TOP2B: variants seen among roughly 807,000 people sequenced by gnomAD.
TOP2B encodes DNA topoisomerase II beta, also known as DNA topoisomerase 2-beta.
A neutral mutation model predicts 193.5 loss-of-function variants in TOP2B; 51 were observed. The observed-to-expected ratio is 0.26, with a 90% CI of 0.21 to 0.33. The LOEUF is 0.33. Ranked by LOEUF, TOP2B falls within the 10% of genes least tolerant of loss-of-function variation. The pLI is 1.00. For synonymous variants in TOP2B, 634 were observed against 635.7 expected, an observed-to-expected ratio of 1.00 and a Z score of 0.04; for missense variants, 1,378 against 1,909.3, an observed-to-expected ratio of 0.72 and a Z score of 5.19.
At chr3:25,643,413 C>T (rs1205777703) in intron 3 of TOP2B, among the ~76,000 whole-genome samples, 1 of 152,164 alleles carries the variant, frequency 6.6e-6, no homozygotes, top group Non-Finnish European at 1.5e-5. Context: ...GTGATGCTAG[C>T]ATATCCCAGA....
At chr3:25,636,717 C>G (rs1389274780) in intron 6 of TOP2B, among the ~76,000 whole-genome samples, 1 of 152,034 alleles carries the variant, frequency 6.6e-6, no homozygotes, top group Admixed American at 6.5e-5. Flanking sequence ...CAAAAATAAA[C>G]ATGCATGATG....
rs759512145 is a variant in TOP2B at position 25,627,199 on chromosome 3, A to G, written c.2004T>C (p.Ala668=). 1 of 1,598,132 alleles carries G rather than the reference A, an allele frequency of 6.3e-7. No homozygotes were observed. The highest frequency in any genetic ancestry group is 8.5e-7 in the Non-Finnish European group (1 of 1,173,890). ...TTAACTTAATTACCAAGGTAATGGCAGCATCATCTTCAGGACCAGCATATC... is the reference window on the plus strand; with the variant it reads ...TTAACTTAATTACCAAGGTAATGGCGGCATCATCTTCAGGACCAGCATATC... ...LFRYAGPEDD[A]AITLAFSKKK... Residue 668 remains alanine (A), a synonymous_variant, in exon 16 of 36, where the codon GCT becomes GCC. Transcript: ENST00000264331.
chr3:25,623,986 T>C (rs1003373857), intron 20 of TOP2B, among the ~76,000 whole-genome samples: 13 of 152,218 alleles, frequency 8.5e-5, no homozygotes, highest in African/African-American at 3.1e-4. Flanking sequence ...CTTACCTACC[T>C]GATTTAATAT....
At position 25,598,119 on chromosome 3, in the gene TOP2B, T is replaced by TCAATGAGTAAA; in HGVS notation, c.*177_*187dup. 3.7e-6 allele frequency: 2 copies of TCAATGAGTAAA among 538,550 alleles called. No individual in the cohort carries two copies. The highest frequency in any genetic ancestry group is 6.3e-6 in the Non-Finnish European group (2 of 317,708). The allele number at this position is 538,550 out of a possible 1,614,324, so 33.4% of individuals were successfully genotyped here. ...AGCCAATCAGACAGTACGTGACATTTCAATGAGTAAAAAAGAGCATAAAAC... is the reference window on the plus strand; with the variant it reads ...AGCCAATCAGACAGTACGTGACATTTCAATGAGTAAACAATGAGTAAAAAAGAGCATAAAAC... On this transcript the variant is annotated 3_prime_UTR_variant, in exon 36 of 36. Transcript: ENST00000264331.
At chr3:25,621,831 A>T (rs1216282442) in intron 21 of TOP2B, among the ~76,000 whole-genome samples, 1 of 152,078 alleles carries the variant, frequency 6.6e-6, no homozygotes, top group African/African-American at 2.4e-5. Context: ...TCTACTAAAA[A>T]TACAAAAATT....
chr3:25,640,227 T>C (rs899632283), intron 4 of TOP2B, among the ~76,000 whole-genome samples: 9 of 152,198 alleles, frequency 5.9e-5, no homozygotes, highest in Non-Finnish European at 1.2e-4. Context: ...CAAAATGTTA[T>C]AGTTAAAACT....
chr3:25,645,058 C>A lies in TOP2B; in HGVS notation c.240+242G>T, dbSNP rs1703377218. On this transcript the variant is annotated intron_variant, in intron 2 of 35. Coordinates refer to ENST00000264331, the MANE Select transcript of TOP2B (RefSeq NM_001330700.2). ...ATCTCCTGACCTTGTGATCCACCCG[C>A]CTCGGCCTCCCAAAGTGCTGGGATT... Among the ~76,000 whole-genome samples the A allele has an allele frequency of 2.0e-5, 3 of 151,952 alleles. No homozygotes were observed. The South Asian group carries it at 6.2e-4, about 31-fold the overall frequency.
chr3:25,609,376 T>TC, intron 29 of TOP2B, 32 bp from the exon 30 acceptor site: 1 of 1,527,222 alleles, frequency 6.5e-7, no homozygotes, highest in Non-Finnish European at 8.8e-7. Context: ...AAGGTATGTA[T>TC]CCATATTTAT....
At chr3:25,653,712 G>A (rs760340247) in intron 1 of TOP2B, among the ~76,000 whole-genome samples, 1 of 152,108 alleles carries the variant, frequency 6.6e-6, no homozygotes, top group Non-Finnish European at 1.5e-5. Flanking sequence ...TTACAGGCAG[G>A]AGCCACCATG....
intron 29 of TOP2B, 25 bp from the exon 30 acceptor site, chr3:25,609,369 G>C (rs377443516): frequency 6.5e-7 from 1 of 1,550,136 alleles, no homozygotes; most frequent in African/African-American, 1.4e-5. Context: ...TAGCAATAAG[G>C]TATGTATCCA....
rs1453055162 is a variant in TOP2B, at chr3:25,632,601, A to G, written c.1129-18T>C. The G allele has an allele frequency of 6.3e-7, 1 of 1,599,520 alleles. No individual in the cohort carries two copies. Among genetic ancestry groups the G allele is most frequent in the Admixed American group, 1.8e-5 (1 of 55,526 alleles). ...TTTTTTACCTGTTGAAAACATACCCAAAAAAGTCAATATCAGAGCTGATAT... is the reference window on the plus strand; with the variant it reads ...TTTTTTACCTGTTGAAAACATACCCGAAAAAGTCAATATCAGAGCTGATAT... On this transcript the variant is annotated intron_variant, in intron 9 of 35. Transcript: ENST00000264331.
At chr3:25,638,061 G>T in intron 5 of TOP2B, 104 bp downstream of exon 5, 1 of 1,041,996 alleles carries the variant, frequency 9.6e-7, no homozygotes, top group Non-Finnish European at 1.4e-6. Context: ...TATTAATTCT[G>T]ACAATGATTT....
chr3:25,664,080 T>C (rs1704005446), intron 1 of TOP2B, 149 bp downstream of exon 1: 3 of 1,156,196 alleles, frequency 2.6e-6, no homozygotes, highest in South Asian at 2.9e-5. Flanking sequence ...GGGAGCGGGC[T>C]GGAGGATTCT....
chr3:25,640,924 T>A (rs759930304), intron 4 of TOP2B, among the ~76,000 whole-genome samples: 4 of 151,832 alleles, frequency 2.6e-5, no homozygotes, highest in Non-Finnish European at 5.9e-5. Flanking sequence ...CATGCCCAGA[T>A]AATTTTGGTG....
chr3:25,620,589 C>A, intron 22 of TOP2B, 93 bp downstream of exon 22: 1 of 1,390,532 alleles, frequency 7.2e-7, no homozygotes, highest in Non-Finnish European at 9.7e-7. Context: ...ACACTACGCA[C>A]GCTTAGGACC....
At chr3:25,624,239 T>TG in intron 20 of TOP2B, 58 bp downstream of exon 20, 1 of 1,575,514 alleles carries the variant, frequency 6.3e-7, no homozygotes, top group Non-Finnish European at 8.7e-7. Flanking sequence ...ATCGAACATT[T>TG]AGTTAGTTGG....
At chr3:25,617,226 A>T (rs1166948989) in intron 25 of TOP2B, among the ~76,000 whole-genome samples, 1 of 151,980 alleles carries the variant, frequency 6.6e-6, no homozygotes, top group East Asian at 1.9e-4. Flanking sequence ...ACTTTTTTTA[A>T]AAAAAAACAT....
At chr3:25,640,752 CTTTT>C (rs372465937) in intron 4 of TOP2B, among the ~76,000 whole-genome samples, 92 of 106,988 alleles carry the variant, frequency 8.6e-4, no homozygotes, top group Admixed American at 1.5e-3. Context: ...TCTTCGTTGT[CTTTT>C]TTTTTTTTTT....
intron 35 of TOP2B, among the ~76,000 whole-genome samples, chr3:25,599,040 T>C (rs1396199420): frequency 6.6e-6 from 1 of 151,990 alleles, no homozygotes; most frequent in Non-Finnish European, 1.5e-5. Flanking sequence ...GTCAGACTAA[T>C]TGGAAAAATC....
Sources: gnomAD v4.1 joint callset for allele counts (sites outside exome capture counted in the v4.1 genomes callset) on GRCh38, gnomAD v4.1.1 for gene constraint, MANE v1.5 for transcripts, NCBI Gene and HGNC (gene_info 2026-07-23, HGNC 2026-07-21) for gene names.